MEI4: variants seen among roughly 807,000 people sequenced by gnomAD.
The protein encoded by MEI4 is meiotic double-stranded break formation protein 4, also known as meiosis-specific protein MEI4.
In MEI4, 27 loss-of-function variants were observed where a neutral mutation model predicts 31.4. The observed-to-expected ratio is 0.86, with a 90% CI of 0.63 to 1.19. The LOEUF (loss-of-function observed/expected upper bound fraction) is 1.19. Among genes scored for constraint, MEI4 ranks in the 50% most tolerant of loss-of-function variants. The pLI is 0.00. For synonymous variants in MEI4, 122 were observed against 145.4 expected (o/e 0.84, Z 1.16); for missense variants, 329 against 398.9 (o/e 0.82, Z 1.49).
chr6:77,858,805 C>T (rs1180321322), intron 4 of MEI4, among the ~76,000 whole-genome samples: 1 of 104,842 alleles, frequency 9.5e-6, no homozygotes, highest in Non-Finnish European at 2.3e-5. Flanking sequence ...GGATATACTA[C>T]AATTTTTTTT....
chr6:77,904,152 TATTTTTCCCTAGTGTTATGCTTTGA>T (rs1766243158), intron 4 of MEI4, among the ~76,000 whole-genome samples: 1 of 152,174 alleles, frequency 6.6e-6, no homozygotes, highest in South Asian at 2.1e-4. Flanking sequence ...TGCAATTACT[TATTTTTCCCTAGTGTTATGCTTTGA>T]ATTTTTACTT....
intron 1 of MEI4, among the ~76,000 whole-genome samples, chr6:77,660,504 G>A (rs543581874): frequency 3.3e-5 from 5 of 152,030 alleles, no homozygotes; most frequent in African/African-American, 1.2e-4. Context: ...AGTTGAGAAT[G>A]GAGAATAGGA....
At chr6:77,687,816 C>T (rs3846757) in intron 1 of MEI4, among the ~76,000 whole-genome samples, 43,618 of 151,954 alleles carry the variant, frequency 0.29, 7,096 homozygotes, top group South Asian at 0.39. Flanking sequence ...TTCTTAGCAT[C>T]CTGATGTGTT....
intron 3 of MEI4, among the ~76,000 whole-genome samples, chr6:77,805,918 C>G (rs941593751): frequency 6.6e-6 from 1 of 151,988 alleles, no homozygotes; most frequent in African/African-American, 2.4e-5. Flanking sequence ...TATAAAATCT[C>G]TTTCTCTTGA....
chr6:77,779,438 C>T (rs1768539298), intron 3 of MEI4, among the ~76,000 whole-genome samples: 1 of 152,162 alleles, frequency 6.6e-6, no homozygotes, highest in Non-Finnish European at 1.5e-5. Context: ...TCTTAATGTG[C>T]TGGCAGTCTT....
At chr6:77,700,562 C>T (rs1396674406) in intron 2 of MEI4, among the ~76,000 whole-genome samples, 2 of 152,208 alleles carry the variant, frequency 1.3e-5, no homozygotes, top group Non-Finnish European at 2.9e-5. Context: ...CAGTGCCTTG[C>T]CCTGCTTCGG....
At chr6:77,898,683 A>T (rs2127734440) in intron 4 of MEI4, among the ~76,000 whole-genome samples, 1 of 152,204 alleles carries the variant, frequency 6.6e-6, no homozygotes, top group Middle Eastern at 3.4e-3. Flanking sequence ...AATTGATTTA[A>T]TGAACTGTTA....
At chr6:77,849,106 A>C (rs1264817556) in intron 4 of MEI4, among the ~76,000 whole-genome samples, 1 of 152,198 alleles carries the variant, frequency 6.6e-6, no homozygotes, top group Admixed American at 6.6e-5. Context: ...AAAAATAAAA[A>C]TCAGGAAAGA....
chr6:77,921,242 G>T (rs772424246), intron 4 of MEI4, among the ~76,000 whole-genome samples: 1 of 151,778 alleles, frequency 6.6e-6, no homozygotes, highest in Non-Finnish European at 1.5e-5. Flanking sequence ...GCTTCACCTT[G>T]TAATTTTATG....
chr6:77,867,019 T>C (rs1045709323), intron 4 of MEI4, among the ~76,000 whole-genome samples: 13 of 152,196 alleles, frequency 8.5e-5, no homozygotes, highest in Non-Finnish European at 1.6e-4. Context: ...TGGCTAGCCA[T>C]ATGTAGAAAG....
chr6:77,789,262 G>T (rs182358712), intron 3 of MEI4, among the ~76,000 whole-genome samples: 1 of 152,260 alleles, frequency 6.6e-6, no homozygotes. Flanking sequence ...ATTCAAGATG[G>T]ATTAAAGACT....
intron 2 of MEI4, among the ~76,000 whole-genome samples, chr6:77,748,119 G>C (rs559105222): frequency 6.6e-6 from 1 of 152,048 alleles, no homozygotes; most frequent in East Asian, 1.9e-4. Context: ...GCAAGCTGTT[G>C]GTGGATCTAC....
Position 77,793,323 on chromosome 6 carries a change from G to C in MEI4, c.768+31658G>C, listed in dbSNP as rs1288081649. On this transcript the variant is annotated intron_variant, in intron 3 of 4. Coordinates refer to ENST00000684080, the MANE Select transcript of MEI4 (RefSeq NM_001322247.2). The stretch of plus-strand genomic sequence containing the variant: ...AGCTGTCCTTCATAAATGAATGAGA[G>C]ATAAAGAGAGTCCCAAAGAAAAGCT... Among the ~76,000 whole-genome samples the C allele has an allele frequency of 2.0e-5, 3 of 152,202 alleles. No homozygotes were observed. The South Asian group carries it at 6.2e-4, about 31-fold the overall frequency.
chr6:77,884,696 C>A, intron 4 of MEI4, among the ~76,000 whole-genome samples: 1 of 152,024 alleles, frequency 6.6e-6, no homozygotes, highest in Non-Finnish European at 1.5e-5. Context: ...ATTCTCTATT[C>A]TTTTACTTTG....
rs576576646 is a variant in MEI4, at chr6:77,898,168, T to C, written c.901-24921T>C. Among the ~76,000 whole-genome samples the C allele has an allele frequency of 1.4e-3, 213 of 152,162 alleles. 1 individual carries two copies. The highest frequency in any genetic ancestry group is 2.1e-3 in the Non-Finnish European group (140 of 67,958). ...GCTTATTTGTTAGCTGCTTTGGTGCTTTCTCCTATGCTTCAGAAGTTTCAA... is the reference window on the plus strand; with the variant it reads ...GCTTATTTGTTAGCTGCTTTGGTGCCTTCTCCTATGCTTCAGAAGTTTCAA... On this transcript the variant is annotated intron_variant, in intron 4 of 4. Coordinates refer to ENST00000684080, the MANE Select transcript of MEI4 (RefSeq NM_001322247.2).
intron 3 of MEI4, among the ~76,000 whole-genome samples, chr6:77,799,562 A>T (rs1222321645): frequency 2.6e-5 from 4 of 152,038 alleles, no homozygotes; most frequent in African/African-American, 9.7e-5. Context: ...ACATGAAGTC[A>T]TTGCCCATGC....
intron 2 of MEI4, among the ~76,000 whole-genome samples, chr6:77,712,987 A>G (rs1766500476): frequency 6.6e-6 from 1 of 151,976 alleles, no homozygotes; most frequent in African/African-American, 2.4e-5. Flanking sequence ...AAAAAAAAGA[A>G]GAAGCATTAT....
At chr6:77,807,147 GT>G (rs11336125) in intron 3 of MEI4, among the ~76,000 whole-genome samples, 77,967 of 142,914 alleles carry the variant, frequency 0.55, 22,443 homozygotes, top group African/African-American at 0.77. Flanking sequence ...TGCTTCATAA[GT>G]TTTTTTTTTT....
intron 4 of MEI4, among the ~76,000 whole-genome samples, chr6:77,921,547 A>G (rs1018924441): frequency 2.0e-5 from 3 of 151,770 alleles, no homozygotes; most frequent in African/African-American, 7.3e-5. Context: ...CTTTCTTTGA[A>G]TTTACAACTT....
Sources: allele counts gnomAD v4.1 joint callset (sites outside exome capture counted in the v4.1 genomes callset), GRCh38; gene constraint gnomAD v4.1.1; transcripts MANE v1.5; gene names NCBI Gene and HGNC (gene_info 2026-07-23, HGNC 2026-07-21).